The following GRIP1 variants were observed in gnomAD, a reference collection of about 807,000 sequenced individuals.
GRIP1 encodes glutamate receptor-interacting protein 1.
A neutral mutation model predicts 129.9 loss-of-function variants in GRIP1; 45 were observed. That is an observed-to-expected ratio of 0.35 (90% CI 0.27 to 0.44). The LOEUF is 0.44. Ranked by LOEUF, GRIP1 falls within the 20% of genes least tolerant of loss-of-function variation. GRIP1 has a pLI of 1.00. For synonymous variants in GRIP1, 530 were observed against 520.8 expected, an observed-to-expected ratio of 1.02 and a Z score of -0.24; for missense variants, 1,196 against 1,396.8, an observed-to-expected ratio of 0.86 and a Z score of 2.29.
At chr12:66,442,356 C>T (rs941389096) in intron 13 of GRIP1, among the ~76,000 whole-genome samples, 4 of 152,090 alleles carry the variant, frequency 2.6e-5, no homozygotes, top group Non-Finnish European at 4.4e-5. Flanking sequence ...TTCCCTAGCA[C>T]GCCTCTTCCG....
chr12:66,993,874 T>C (rs1029478082), intron 1 of GRIP1, among the ~76,000 whole-genome samples: 3 of 151,214 alleles, frequency 2.0e-5, no homozygotes, highest in Non-Finnish European at 4.4e-5. Context: ...AAAGGAATAC[T>C]ATAAAAATAC....
intron 1 of GRIP1, among the ~76,000 whole-genome samples, chr12:66,621,816 G>C (rs963502883): frequency 6.6e-6 from 1 of 151,932 alleles, no homozygotes; most frequent in Admixed American, 6.6e-5. Flanking sequence ...TCTTACTATG[G>C]TTTTGATTTG....
intron 1 of GRIP1, among the ~76,000 whole-genome samples, chr12:66,744,516 C>T (rs1347240171): frequency 6.6e-6 from 1 of 152,134 alleles, no homozygotes; most frequent in African/African-American, 2.4e-5. Context: ...TTGGGTCCTA[C>T]GGTGCATTCT....
At chr12:67,045,942 G>A (rs1349198561) in intron 1 of GRIP1, among the ~76,000 whole-genome samples, 2 of 152,174 alleles carry the variant, frequency 1.3e-5, no homozygotes, top group Non-Finnish European at 2.9e-5. Context: ...TTCCTTAGAA[G>A]GGGAAATTTC....
intron 2 of GRIP1, among the ~76,000 whole-genome samples, chr12:66,547,856 C>G (rs2061994181): frequency 6.6e-6 from 1 of 152,082 alleles, no homozygotes; most frequent in Non-Finnish European, 1.5e-5. Context: ...CCATCCATGT[C>G]AATATCCTGG....
At chr12:66,832,517 G>A (rs1228174413) in intron 1 of GRIP1, among the ~76,000 whole-genome samples, 5 of 145,922 alleles carry the variant, frequency 3.4e-5, no homozygotes, top group African/African-American at 1.2e-4. Flanking sequence ...TTTTGTTTAT[G>A]AGAAAAAAAA....
intron 15 of GRIP1, among the ~76,000 whole-genome samples, chr12:66,418,042 A>G (rs1417398220): frequency 6.6e-6 from 1 of 152,182 alleles, no homozygotes; most frequent in Non-Finnish European, 1.5e-5. Flanking sequence ...AAATTATACT[A>G]CAGAGCTAAA....
intron 1 of GRIP1, among the ~76,000 whole-genome samples, chr12:66,884,528 A>C (rs1023432400): frequency 2.0e-5 from 3 of 152,216 alleles, no homozygotes; most frequent in African/African-American, 7.2e-5. Context: ...ATGCAGCTTA[A>C]GATATTACTA....
intron 15 of GRIP1, 29 bp downstream of exon 15, chr12:66,420,691 A>G: frequency 1.6e-6 from 2 of 1,247,492 alleles, no homozygotes. Context: ...AGAGGCCTTA[A>G]AATGAATCAG....
chr12:66,748,547 C>T (rs2037025084), intron 1 of GRIP1, among the ~76,000 whole-genome samples: 9 of 152,144 alleles, frequency 5.9e-5, no homozygotes, highest in Admixed American at 5.9e-4. Flanking sequence ...TCGTAAGTTC[C>T]AACTAACCCC....
intron 1 of GRIP1, among the ~76,000 whole-genome samples, chr12:66,714,633 G>A (rs2035812713): frequency 1.3e-5 from 2 of 151,956 alleles, no homozygotes; most frequent in African/African-American, 2.4e-5. Flanking sequence ...GCATTTTCAT[G>A]CACAATTTAC....
chr12:66,651,775 G>C (rs1205057741), intron 1 of GRIP1, among the ~76,000 whole-genome samples: 3 of 151,982 alleles, frequency 2.0e-5, no homozygotes, highest in African/African-American at 7.3e-5. Flanking sequence ...GGAGGGAGGG[G>C]AGCATTTACT....
At chr12:66,521,475 T>C (rs907233774) in intron 5 of GRIP1, among the ~76,000 whole-genome samples, 5 of 152,198 alleles carry the variant, frequency 3.3e-5, no homozygotes, top group Non-Finnish European at 7.3e-5. Context: ...ATCTTATAGG[T>C]GAAGACAAAA....
chr12:66,769,337 C>G (rs1197090695), intron 1 of GRIP1, among the ~76,000 whole-genome samples: 2 of 151,782 alleles, frequency 1.3e-5, no homozygotes, highest in African/African-American at 2.4e-5. Flanking sequence ...GGTGAGGCCT[C>G]GTAAACTTCA....
At chr12:66,509,031 C>CT (rs1276994678) in intron 7 of GRIP1, among the ~76,000 whole-genome samples, 2 of 152,088 alleles carry the variant, frequency 1.3e-5, no homozygotes, top group Admixed American at 1.3e-4. Context: ...ACTCAAGTAC[C>CT]TAACTTAATA....
chr12:66,678,850 C>CT lies in GRIP1; in HGVS notation c.54dup (p.Asp19ArgfsTer2), dbSNP rs762725595. On this transcript the variant is annotated frameshift_variant and splice_region_variant, in exon 1 of 25. Coordinates refer to ENST00000359742, the MANE Select transcript of GRIP1 (RefSeq NM_001366722.1). LOFTEE classifies it high-confidence loss of function. ...GGGAATAACAAGGAAAGCACGATACCTTTAGTAAGTCGCCTCAGAATTTGA... is the reference window on the plus strand; with the variant it reads ...GGGAATAACAAGGAAAGCACGATACCTTTTAGTAAGTCGCCTCAGAATTTGA... The CT allele has an allele frequency of 9.9e-6, 16 of 1,613,044 alleles. No homozygotes were observed.
chr12:66,517,647 T>C (rs2060885181), intron 6 of GRIP1, among the ~76,000 whole-genome samples: 1 of 152,154 alleles, frequency 6.6e-6, no homozygotes, highest in Non-Finnish European at 1.5e-5. Flanking sequence ...GTGGTATTAT[T>C]ACCTACATTT....
intron 12 of GRIP1, 70 bp from the exon 13 acceptor site, chr12:66,444,799 A>G: frequency 1.3e-6 from 2 of 1,520,956 alleles, no homozygotes; most frequent in Admixed American, 3.3e-5. Context: ...TGCCAAATCT[A>G]CCTTGCTTGA....
At chr12:66,911,898 C>T (rs2041036253) in intron 1 of GRIP1, among the ~76,000 whole-genome samples, 1 of 152,194 alleles carries the variant, frequency 6.6e-6, no homozygotes, top group Non-Finnish European at 1.5e-5. Flanking sequence ...CTGGCACCAG[C>T]ATCTGAGATA....
Sources: allele counts gnomAD v4.1 joint callset (sites outside exome capture counted in the v4.1 genomes callset), GRCh38; gene constraint gnomAD v4.1.1; transcripts MANE v1.5; gene names NCBI Gene and HGNC (gene_info 2026-07-23, HGNC 2026-07-21).